EDAR: variants seen among roughly 807,000 people sequenced by gnomAD.
EDAR encodes ectodysplasin A receptor, also known as tumor necrosis factor receptor superfamily member EDAR.
In EDAR, 38 loss-of-function variants were observed where a neutral mutation model predicts 51.3. The observed-to-expected ratio is 0.74, with a 90% CI of 0.57 to 0.97. The LOEUF (loss-of-function observed/expected upper bound fraction) is 0.97. EDAR is among the 50% of genes least tolerant of loss of function. EDAR has a pLI of 0.00. For synonymous variants in EDAR, 227 were observed against 242.1 expected (o/e 0.94, Z 0.58); for missense variants, 528 against 595.0 (o/e 0.89, Z 1.17).
intron 1 of EDAR, among the ~76,000 whole-genome samples, chr2:108,946,956 A>G (rs1697725627): frequency 6.6e-6 from 1 of 152,034 alleles, no homozygotes; most frequent in African/African-American, 2.4e-5. Context: ...AGTCTTACTG[A>G]CTCCAGCATT....
chr2:108,930,663 G>A (rs934935385), intron 2 of EDAR, among the ~76,000 whole-genome samples: 11 of 152,130 alleles, frequency 7.2e-5, no homozygotes, highest in Non-Finnish European at 1.0e-4. Flanking sequence ...TTAGCTGCGC[G>A]GCCCCCAAGC....
chr2:108,946,218 A>G lies in EDAR; in HGVS notation c.-18-15186T>C, dbSNP rs1183096952. Among the ~76,000 whole-genome samples the G allele has an allele frequency of 5.9e-5, 9 of 152,294 alleles. No individual in the cohort carries two copies. The East Asian group carries it at 1.5e-3, about 26-fold the overall frequency. On this transcript the variant is annotated intron_variant, in intron 1 of 11. Coordinates refer to ENST00000258443, the MANE Select transcript of EDAR (RefSeq NM_022336.4). ...AAAATGCACCAGGGCATGACTGGGT[A>G]TACTCAGCCTCCCCCGACTTTATCA...
chr2:108,902,501 A>T (rs1380214089), intron 11 of EDAR, among the ~76,000 whole-genome samples: 1 of 152,256 alleles, frequency 6.6e-6, no homozygotes, highest in Non-Finnish European at 1.5e-5. Flanking sequence ...TTTTCTAGAC[A>T]TAGAAAAGGA....
At chr2:108,916,410 G>A (rs917996175) in intron 5 of EDAR, among the ~76,000 whole-genome samples, 1 of 152,142 alleles carries the variant, frequency 6.6e-6, no homozygotes, top group Admixed American at 6.5e-5. Flanking sequence ...GCAGCCTAGA[G>A]AGCACACAGA....
intron 1 of EDAR, among the ~76,000 whole-genome samples, chr2:108,968,578 AGTCT>A (rs1484672336): frequency 6.6e-6 from 1 of 152,176 alleles, no homozygotes; most frequent in East Asian, 1.9e-4. Context: ...ATGGGTGACC[AGTCT>A]GTCTGTGGCG....
intron 5 of EDAR, among the ~76,000 whole-genome samples, chr2:108,917,186 C>T (rs1463358110): frequency 6.6e-6 from 1 of 152,144 alleles, no homozygotes; most frequent in Non-Finnish European, 1.5e-5. Flanking sequence ...ATGGATCTGC[C>T]CCAAGCACAG....
At chr2:108,938,065 A>G (rs2105465454) in intron 1 of EDAR, among the ~76,000 whole-genome samples, 1 of 152,354 alleles carries the variant, frequency 6.6e-6, no homozygotes, top group African/African-American at 2.4e-5. Context: ...ATCACTACTA[A>G]TACAAATAAG....
At chr2:108,924,146 C>A (rs958930560) in intron 4 of EDAR, among the ~76,000 whole-genome samples, 1 of 152,272 alleles carries the variant, frequency 6.6e-6, no homozygotes, top group African/African-American at 2.4e-5. Flanking sequence ...AAATCATTCA[C>A]AGTAGCTCTG....
chr2:108,950,643 T>C (rs949953215), intron 1 of EDAR, among the ~76,000 whole-genome samples: 2 of 152,216 alleles, frequency 1.3e-5, no homozygotes, highest in African/African-American at 4.8e-5. Flanking sequence ...CACACAGCCA[T>C]ATGCTGTCCC....
intron 1 of EDAR, among the ~76,000 whole-genome samples, chr2:108,987,149 A>G (rs1277125819): frequency 6.6e-6 from 1 of 152,196 alleles, no homozygotes; most frequent in Non-Finnish European, 1.5e-5. Context: ...CTGTATTTGA[A>G]TTTCAGATTT....
intron 1 of EDAR, among the ~76,000 whole-genome samples, chr2:108,962,517 C>CA (rs977842750): frequency 1.3e-5 from 2 of 150,938 alleles, no homozygotes; most frequent in Admixed American, 6.6e-5. Context: ...ACTAAAAATA[C>CA]AAAAAAAATT....
At chr2:108,952,370 A>G (rs1276333938) in intron 1 of EDAR, among the ~76,000 whole-genome samples, 4 of 152,192 alleles carry the variant, frequency 2.6e-5, no homozygotes, top group South Asian at 2.1e-4. Flanking sequence ...AGTACACAAG[A>G]TAGGAGAGGA....
chr2:108,905,856 G>A (rs1696791573), intron 11 of EDAR, among the ~76,000 whole-genome samples: 2 of 147,332 alleles, frequency 1.4e-5, no homozygotes, highest in Admixed American at 1.3e-4. Context: ...GAAGGCCGCT[G>A]GGAGGGGAGG....
chr2:108,940,702 C>A (rs1466211684), intron 1 of EDAR, among the ~76,000 whole-genome samples: 1 of 152,220 alleles, frequency 6.6e-6, no homozygotes, highest in Admixed American at 6.5e-5. Flanking sequence ...CACGTCACAC[C>A]ACGCGATGAC....
chr2:108,978,734 C>A (rs187932107), intron 1 of EDAR, among the ~76,000 whole-genome samples: 48 of 152,260 alleles, frequency 3.2e-4, no homozygotes, highest in African/African-American at 2.4e-5. Flanking sequence ...AATGCCCAAC[C>A]CCGTGCAGGT....
intron 1 of EDAR, among the ~76,000 whole-genome samples, chr2:108,942,801 C>T (rs1335690745): frequency 1.3e-5 from 2 of 152,240 alleles, no homozygotes; most frequent in Admixed American, 6.5e-5. Flanking sequence ...GGAGGAGGCG[C>T]GCTAAGAAAA....
intron 5 of EDAR, among the ~76,000 whole-genome samples, chr2:108,922,656 C>G (rs751757048): frequency 6.6e-6 from 1 of 152,224 alleles, no homozygotes; most frequent in Non-Finnish European, 1.5e-5. Context: ...AGGGTCAGCT[C>G]CTCCTCCACC....
In EDAR at chr2:108,931,042, A is replaced by G; in HGVS notation, c.-18-10T>C. 1 of 1,613,482 alleles carries G rather than the reference A, an allele frequency of 6.2e-7. No homozygotes were observed. The highest frequency in any genetic ancestry group is 1.7e-4 in the Middle Eastern group (1 of 6,060). ...TCTCCCAAGGGCTCACCTGAAAGAC[A>G]TGCGTCATTAGCTGGGCACTGGCGG... On this transcript the variant is annotated splice_polypyrimidine_tract_variant and intron_variant, in intron 1 of 11. Coordinates refer to ENST00000258443, the MANE Select transcript of EDAR (RefSeq NM_022336.4).
In EDAR at chr2:108,910,492, C is replaced by T; in HGVS notation, c.771G>A (p.Lys257=). Residue 257 remains lysine (K), a synonymous_variant, in exon 9 of 12, where the codon AAG becomes AAA. Coordinates refer to ENST00000258443, the MANE Select transcript of EDAR (RefSeq NM_022336.4). ...TGGGCTTTGCTGGAGTTGCTGTCAG[C>T]TTCTCAAATTCATCCTTCTCGGAGA... ...VMFSEKDEFE[K]LTATPAKPTK... 2 of 1,613,990 alleles carry T rather than the reference C, an allele frequency of 1.2e-6. No individual in the cohort carries two copies. The highest frequency in any genetic ancestry group is 1.1e-5 in the South Asian group (1 of 91,020).
Sources: allele counts gnomAD v4.1 joint callset (sites outside exome capture counted in the v4.1 genomes callset), GRCh38; gene constraint gnomAD v4.1.1; transcripts MANE v1.5; gene names NCBI Gene and HGNC (gene_info 2026-07-23, HGNC 2026-07-21).